Variants in WDR27 observed in about 807,000 individuals in gnomAD.
WDR27 encodes the protein WD repeat domain 27, also known as WD repeat-containing protein 27.
A neutral mutation model predicts 114.4 loss-of-function variants in WDR27; 100 were observed. The observed-to-expected ratio is 0.87, with a 90% CI of 0.74 to 1.03. The LOEUF is 1.03. Ranked by LOEUF, WDR27 falls within the 50% of genes least tolerant of loss-of-function variation. WDR27 has a pLI of 0.00. For synonymous variants in WDR27, 449 were observed against 423.1 expected (o/e 1.06, Z -0.75); for missense variants, 1,129 against 1,092.9 (o/e 1.03, Z -0.47).
At chr6:169,619,101 G>T (rs1017008299) in intron 21 of WDR27, among the ~76,000 whole-genome samples, 3 of 152,146 alleles carry the variant, frequency 2.0e-5, no homozygotes, top group Non-Finnish European at 4.4e-5. Flanking sequence ...ACATAGATTT[G>T]ACAGGATTCA....
chr6:169,616,286 G>C (rs1423809613), intron 21 of WDR27, among the ~76,000 whole-genome samples: 1 of 152,110 alleles, frequency 6.6e-6, no homozygotes, highest in Non-Finnish European at 1.5e-5. Context: ...TCAAGAGATC[G>C]AGACCAGCCT....
In WDR27 at chr6:169,668,160, T is replaced by G; in HGVS notation, c.482A>C (p.Glu161Ala). Reference protein sequence around the residue: ...IEQRFSVTYIERPDVNNRHKV... With the variant: ...IEQRFSVTYIARPDVNNRHKV... Reference sequence around the variant, plus strand: ...GTGGCGGTTATTAACATCAGGACGTTCTATGTATGTCACAGAAAATCGCTG... The same window carrying G: ...GTGGCGGTTATTAACATCAGGACGTGCTATGTATGTCACAGAAAATCGCTG... The change falls in exon 5 of 26, where the codon GAA (glutamate) becomes GCA (alanine). Residue 161 changes from glutamate (E) to alanine (A), a missense_variant. Physicochemically the swap from Glu to Ala is moderately radical, Grantham distance 107. Coordinates refer to ENST00000448612, the MANE Select transcript of WDR27 (RefSeq NM_182552.5). 1 of 1,613,980 alleles carries G rather than the reference T, an allele frequency of 6.2e-7. No individual in the cohort carries two copies. Among genetic ancestry groups the G allele is most frequent in the Admixed American group, 1.7e-5 (1 of 60,022 alleles).
chr6:169,686,245 G>A (rs932804452), intron 2 of WDR27, among the ~76,000 whole-genome samples: 1 of 152,022 alleles, frequency 6.6e-6, no homozygotes, highest in Admixed American at 6.6e-5. Flanking sequence ...TGAAAACATG[G>A]AAAACTACAA....
the WDR27 span, among the ~76,000 whole-genome samples, chr6:169,430,130 C>G: frequency 6.6e-6 from 1 of 152,308 alleles, no homozygotes; most frequent in East Asian, 1.9e-4. Flanking sequence ...AAGAGTGGCA[C>G]ACGTCAAACC....
At chr6:169,452,493 GTGGGGTCAGAGAGGAGCCGTGC>G (rs1784191347), downstream of WDR27, among the ~76,000 whole-genome samples, 1 of 18,884 alleles carries the variant, frequency 5.3e-5, no homozygotes, top group Non-Finnish European at 1.2e-4. Context: ...AGCCCCGGAC[GTGGGGTCAGAGAGGAGCCGTGC>G]GTGGGGTCAG....
intron 25 of WDR27, among the ~76,000 whole-genome samples, chr6:169,510,651 A>G (rs1365773413): frequency 6.8e-6 from 1 of 147,344 alleles, no homozygotes; most frequent in Non-Finnish European, 1.5e-5. Context: ...GGAGGGGGGA[A>G]GGATAGCATT....
intron 25 of WDR27, among the ~76,000 whole-genome samples, chr6:169,534,037 G>A (rs1490957586): frequency 6.6e-6 from 1 of 152,172 alleles, no homozygotes; most frequent in Non-Finnish European, 1.5e-5. Context: ...GTTCACAGGT[G>A]GCTTTATTAG....
intron 15 of WDR27, among the ~76,000 whole-genome samples, chr6:169,648,846 G>A (rs1052924025): frequency 2.0e-5 from 3 of 152,190 alleles, no homozygotes; most frequent in Non-Finnish European, 2.9e-5. Flanking sequence ...CGTGGGCCAC[G>A]CCCACTCAGA....
chr6:169,642,322 A>C (rs1407442431), intron 17 of WDR27, among the ~76,000 whole-genome samples: 2 of 151,178 alleles, frequency 1.3e-5, no homozygotes, highest in Non-Finnish European at 2.9e-5. Context: ...CCACAGAAAC[A>C]GAGCAAGTTT....
chr6:169,635,110 G>A (rs1341782372), intron 19 of WDR27, among the ~76,000 whole-genome samples: 1 of 152,182 alleles, frequency 6.6e-6, no homozygotes, highest in Admixed American at 6.5e-5. Flanking sequence ...GCTCATGCCT[G>A]TAATCCCAGC....
At chr6:169,593,717 C>T (rs370622448) in intron 23 of WDR27, among the ~76,000 whole-genome samples, 33 of 152,116 alleles carry the variant, frequency 2.2e-4, no homozygotes, top group African/African-American at 7.7e-4. Context: ...GGCGTGGTGG[C>T]GGGCGCCTGT....
At chr6:169,568,458 C>G (rs1800853953) in intron 25 of WDR27, among the ~76,000 whole-genome samples, 1 of 152,126 alleles carries the variant, frequency 6.6e-6, no homozygotes, top group African/African-American at 2.4e-5. Context: ...AGGACACAAG[C>G]TCACTCTTCA....
chr6:169,549,783 A>G (rs1051145834), intron 25 of WDR27, among the ~76,000 whole-genome samples: 7 of 152,236 alleles, frequency 4.6e-5, no homozygotes, highest in African/African-American at 1.7e-4. Flanking sequence ...AATAGGCTGC[A>G]TGCTGTGTGA....
intron 23 of WDR27, among the ~76,000 whole-genome samples, chr6:169,598,987 ATTTC>A (rs1807383487): frequency 6.6e-6 from 1 of 151,708 alleles, no homozygotes; most frequent in African/African-American, 2.4e-5. Context: ...TCTTGAAGTT[ATTTC>A]TTTTTTTTTA....
chr6:169,544,979 C>A (rs973642331), intron 25 of WDR27, among the ~76,000 whole-genome samples: 1 of 152,158 alleles, frequency 6.6e-6, no homozygotes, highest in Non-Finnish European at 1.5e-5. Flanking sequence ...TGTAAATTCT[C>A]CCCTAGATTT....
intron 13 of WDR27, among the ~76,000 whole-genome samples, chr6:169,654,977 C>T (rs1012056158): frequency 6.6e-6 from 1 of 152,228 alleles, no homozygotes; most frequent in African/African-American, 2.4e-5. Context: ...TAACCCCCAA[C>T]ACAGCCTCGT....
chr6:169,567,574 C>A (rs1800704029), intron 25 of WDR27, among the ~76,000 whole-genome samples: 1 of 152,106 alleles, frequency 6.6e-6, no homozygotes. Context: ...AGTGCAAGAG[C>A]CTAGGAGGTG....
intron 25 of WDR27, among the ~76,000 whole-genome samples, chr6:169,538,932 C>T (rs1326028060): frequency 6.6e-6 from 1 of 152,166 alleles, no homozygotes; most frequent in Non-Finnish European, 1.5e-5. Flanking sequence ...GTTTCTCGCA[C>T]TTACCCTGTT....
At chr6:169,488,289 CTGTT>C (rs1478823005) in intron 25 of WDR27, among the ~76,000 whole-genome samples, 1 of 152,226 alleles carries the variant, frequency 6.6e-6, no homozygotes, top group Non-Finnish European at 1.5e-5. Flanking sequence ...CAGGATCTGC[CTGTT>C]TGTGTGCTTT....
Sources: gnomAD v4.1 joint callset for allele counts (sites outside exome capture counted in the v4.1 genomes callset) on GRCh38, gnomAD v4.1.1 for gene constraint, MANE v1.5 for transcripts, NCBI Gene and HGNC (gene_info 2026-07-23, HGNC 2026-07-21) for gene names.